SERAC1: variants seen among roughly 807,000 people sequenced by gnomAD.
The protein encoded by SERAC1 is protein SERAC1.
SERAC1 carries 36 observed loss-of-function variants against 85.7 expected under a neutral mutation model. The ratio of observed to expected loss-of-function variants is 0.42; its 90% CI spans 0.32 to 0.55. The LOEUF (loss-of-function observed/expected upper bound fraction) is 0.55. Among genes scored for constraint, SERAC1 ranks in the 20% least tolerant of loss-of-function variants. SERAC1 has a pLI of 0.11. For missense variants in SERAC1, 629 were observed against 796.2 expected (o/e 0.79, Z 2.53); for synonymous variants, 242 against 265.3 (o/e 0.91, Z 0.85).
At chr6:158,160,170 T>C (rs1455010528) in intron 1 of SERAC1, among the ~76,000 whole-genome samples, 4 of 152,128 alleles carry the variant, frequency 2.6e-5, no homozygotes, top group African/African-American at 7.2e-5. Context: ...TTTTTAAAAG[T>C]TTCATACTGA....
Position 158,119,821 on chromosome 6 carries a change from G to A in SERAC1, c.1166+604C>T, listed in dbSNP as rs1027504262. 1.3e-5 allele frequency among the ~76,000 whole-genome samples: 2 copies of A among 152,008 alleles called. No homozygotes were observed. The highest frequency in any genetic ancestry group is 6.6e-5 in the Admixed American group (1 of 15,260). ...TTTTCTGAGGTACTTTTTGTAAAGT[G>A]CCCTAAGAAAACCAAGAAATATGTT... On this transcript the variant is annotated intron_variant, in intron 11 of 16. Coordinates refer to ENST00000647468, the MANE Select transcript of SERAC1 (RefSeq NM_032861.4). The surrounding 1 kb of genome is among the most constrained non-coding windows in gnomAD (Gnocchi z 4.5).
Position 158,165,980 on chromosome 6 carries a change from A to C in SERAC1, c.-2+2160T>G, listed in dbSNP as rs1297460846. 2.0e-5 allele frequency: 3 copies of C among 152,260 alleles called. No homozygotes were observed. The East Asian group carries it at 5.8e-4, about 29-fold the overall frequency. 9.4% of individuals were successfully genotyped at this position (152,260 alleles called of 1,614,324 possible). A position where few individuals can be genotyped will look rare whatever the true frequency, so the allele number is the denominator to read the frequency against. ...AGATAGATAGTAGTGCTGGTTGCAC[A>C]ATGTGAATGTCACTGAACTCAACAA... On this transcript the variant is annotated intron_variant, in intron 1 of 16. Transcript: ENST00000647468.
Position 158,120,605 on chromosome 6 carries a change from T to C in SERAC1, c.1016-30A>G, listed in dbSNP as rs1479678470. Reference sequence around the variant, plus strand: ...TGAAAAGTACACATATCCTAAATACTGATGTGAATCCATCGCAGACCACAG... The same window carrying C: ...TGAAAAGTACACATATCCTAAATACCGATGTGAATCCATCGCAGACCACAG... On this transcript the variant is annotated intron_variant, in intron 10 of 16. Transcript: ENST00000647468. The surrounding 1 kb of genome is among the most constrained non-coding windows in gnomAD (Gnocchi z 4.4). The C allele has an allele frequency of 1.9e-6, 3 of 1,604,370 alleles. No individual in the cohort carries two copies. In the South Asian group the frequency reaches 3.3e-5, roughly 18 times the overall value.
At chr6:158,151,912 A>T (rs759759131) in intron 3 of SERAC1, among the ~76,000 whole-genome samples, 3 of 152,082 alleles carry the variant, frequency 2.0e-5, no homozygotes, top group Admixed American at 2.0e-4. Flanking sequence ...TAATTATTAA[A>T]GCCAGGACTT....
chr6:158,112,863 CAG>C (rs1220940284), intron 16 of SERAC1: 1 of 145,560 alleles, frequency 6.9e-6, no homozygotes, highest in Non-Finnish European at 1.5e-5. Flanking sequence ...TACAGAGTAA[CAG>C]AGGAGTCTAT....
chr6:158,161,286 G>A (rs2128425722), intron 1 of SERAC1: 1 of 152,196 alleles, frequency 6.6e-6, no homozygotes, highest in South Asian at 2.1e-4. Context: ...GGGAGGCTGA[G>A]GCAGAGGAAT....
chr6:158,124,778 CACACACACACAT>C (rs1225696243), intron 10 of SERAC1, among the ~76,000 whole-genome samples: 2,617 of 133,066 alleles, frequency 0.02, 75 homozygotes, highest in African/African-American at 0.072. Context: ...CACACACACA[CACACACACACAT>C]ACACACTCAA....
intron 16 of SERAC1, 23 bp downstream of exon 16, chr6:158,113,426 A>G (rs763559919): frequency 6.3e-7 from 1 of 1,598,290 alleles, no homozygotes; most frequent in Non-Finnish European, 8.6e-7. Context: ...CTAACAGCCA[A>G]CAAGTTTCAA....
intron 8 of SERAC1, among the ~76,000 whole-genome samples, chr6:158,136,744 C>A (rs140124650): frequency 3.9e-5 from 6 of 152,308 alleles, no homozygotes; most frequent in Non-Finnish European, 8.8e-5. Flanking sequence ...ATAAACTGGG[C>A]AGACAGATCA....
At chr6:158,159,195 A>G (rs1020495908) in intron 1 of SERAC1, 6 of 152,126 alleles carry the variant, frequency 3.9e-5, no homozygotes, top group Non-Finnish European at 5.9e-5. Context: ...ATAATGCCTA[A>G]GATGAGCATT....
rs1253797766 is a variant in SERAC1, at chr6:158,155,254, C to T, written c.128+61G>A. On this transcript the variant is annotated intron_variant, in intron 3 of 16. Coordinates refer to ENST00000647468, the MANE Select transcript of SERAC1 (RefSeq NM_032861.4). ...ACCTCATGCAACCTGTCAATCACTGCCATTGAGATTTCCAATAGAGTATAA... is the reference window on the plus strand; with the variant it reads ...ACCTCATGCAACCTGTCAATCACTGTCATTGAGATTTCCAATAGAGTATAA... 6.9e-6 allele frequency: 8 copies of T among 1,151,272 alleles called. No individual in the cohort carries two copies. The East Asian group carries it at 1.9e-4, about 27-fold the overall frequency. The allele number at this position is 1,151,272 out of a possible 1,614,324, so 71.3% of individuals were successfully genotyped here.
chr6:158,161,186 G>C (rs1349160361), intron 1 of SERAC1: 1 of 152,148 alleles, frequency 6.6e-6, no homozygotes, highest in Non-Finnish European at 1.5e-5. Context: ...GGCCAGCCCA[G>C]GAGTTCAAGA....
chr6:158,151,081 GA>G (rs1785193274), intron 3 of SERAC1: 2 of 154,614 alleles, frequency 1.3e-5, no homozygotes, highest in Non-Finnish European at 2.9e-5. Flanking sequence ...GCATCCAGAA[GA>G]AAGTGTTGTT....
intron 6 of SERAC1, among the ~76,000 whole-genome samples, chr6:158,144,637 C>T (rs1340615549): frequency 6.6e-6 from 1 of 152,130 alleles, no homozygotes; most frequent in Non-Finnish European, 1.5e-5. Flanking sequence ...ATATGGAGAC[C>T]GGGTCACAGC....
At chr6:158,112,752 G>T (rs1364412411) in intron 16 of SERAC1, 1 of 149,244 alleles carries the variant, frequency 6.7e-6, no homozygotes, top group African/African-American at 2.5e-5. Context: ...AGCCTCAGAG[G>T]CAGTAAGAAA....
chr6:158,111,194 G>T lies in SERAC1; in HGVS notation c.*172C>A. On this transcript the variant is annotated 3_prime_UTR_variant, in exon 17 of 17. Coordinates refer to ENST00000647468, the MANE Select transcript of SERAC1 (RefSeq NM_032861.4). ...TTCTGTGCCTGCCACTTCCGGGTTG[G>T]TGCTTTACAGCGCTTGAAGGGAGAA... 1 of 543,286 alleles carries T rather than the reference G, an allele frequency of 1.8e-6. No homozygotes were observed. Among genetic ancestry groups the T allele is most frequent in the Non-Finnish European group, 3.0e-6 (1 of 335,804 alleles). The allele number at this position is 543,286 out of a possible 1,614,324, so 33.7% of individuals were successfully genotyped here.
Position 158,117,447 on chromosome 6 carries a change from A to G in SERAC1, c.1403+280T>C, listed in dbSNP as rs1023288577. 5.2e-5 allele frequency: 74 copies of G among 1,416,578 alleles called. No individual in the cohort carries two copies. The African/African-American group carries it at 1.0e-3, about 19-fold the overall frequency. 87.8% of individuals were successfully genotyped at this position (1,416,578 alleles called of 1,614,324 possible). ...ACATCACTTTTACTTCTGATAGAAA[A>G]GGAGACTGCTAGACAATCCACGATC... On this transcript the variant is annotated intron_variant, in intron 13 of 16. Coordinates refer to ENST00000647468, the MANE Select transcript of SERAC1 (RefSeq NM_032861.4). This position sits in a 1 kb window ranked among gnomAD's most constrained non-coding sequence, Gnocchi z 4.3.
intron 8 of SERAC1, among the ~76,000 whole-genome samples, chr6:158,135,537 A>G (rs1257506027): frequency 6.6e-6 from 1 of 152,202 alleles, no homozygotes; most frequent in East Asian, 1.9e-4. Flanking sequence ...CATCTCAAAA[A>G]AAAAGCTGTC....
At chr6:158,114,649 A>C in intron 15 of SERAC1, 140 bp downstream of exon 15, 2 of 986,548 alleles carry the variant, frequency 2.0e-6, no homozygotes, top group East Asian at 1.1e-4. Flanking sequence ...AGCCCAACCC[A>C]AAATTTCCAT....
Sources: allele counts gnomAD v4.1 joint callset (sites outside exome capture counted in the v4.1 genomes callset), GRCh38; gene constraint gnomAD v4.1.1; non-coding constraint Gnocchi (gnomAD v3.1); transcripts MANE v1.5; gene names NCBI Gene and HGNC (gene_info 2026-07-23, HGNC 2026-07-21).